Variants in CASP9 observed in about 807,000 individuals in gnomAD.
CASP9 encodes caspase 9.
CASP9 carries 29 observed loss-of-function variants against 43.5 expected under a neutral mutation model. The observed-to-expected ratio is 0.67, with a 90% CI of 0.50 to 0.91. The LOEUF (loss-of-function observed/expected upper bound fraction) is 0.91, where lower values mean the gene tolerates loss of function less well. Ranked by LOEUF, CASP9 falls within the 40% of genes least tolerant of loss-of-function variation. The pLI, the probability that CASP9 is intolerant of heterozygous loss-of-function variation, is 0.00. For synonymous variants in CASP9, 206 were observed against 211.9 expected, an observed-to-expected ratio of 0.97 and a Z score of 0.24; for missense variants, 575 against 537.4, an observed-to-expected ratio of 1.07 and a Z score of -0.69.
chr1:15,508,651 T>G (rs576182764), intron 2 of CASP9, among the ~76,000 whole-genome samples: 1 of 152,078 alleles, frequency 6.6e-6, no homozygotes, highest in Admixed American at 6.6e-5. Flanking sequence ...TTGACCTCAG[T>G]TGATCCACCC....
chr1:15,493,944 TC>T lies in CASP9; in HGVS notation c.1105del (p.Asp369ThrfsTer25). 6.2e-7 allele frequency: 1 copy of T among 1,604,946 alleles called. No individual in the cohort carries two copies. The part of the protein sequence containing the change: ...SGSWYVETLD[D>X]IFEQWAHSED... ...AGAGTGAGCCCACTGCTCAAAGATGTCGTCCAGGGTCTCAACGTACCAGGAG... is the reference window on the plus strand; with the variant it reads ...AGAGTGAGCCCACTGCTCAAAGATGTGTCCAGGGTCTCAACGTACCAGGAG... On this transcript the variant is annotated frameshift_variant, in exon 8 of 9. Transcript: ENST00000333868. LOFTEE classifies it high-confidence loss of function.
rs751390513 is a variant in CASP9 at position 15,493,941 on chromosome 1, A to G, written c.1109T>C (p.Ile370Thr). The change falls in exon 8 of 9, where the codon ATC becomes ACC. Residue 370 changes from isoleucine (I) to threonine (T), a missense_variant. By Grantham distance (89) the Ile-to-Thr change is moderately conservative. Transcript: ENST00000333868. ...TTCAGAGTGAGCCCACTGCTCAAAG[A>G]TGTCGTCCAGGGTCTCAACGTACCA... ...GSWYVETLDDIFEQWAHSEDL... is the reference protein window; with the variant it reads ...GSWYVETLDDTFEQWAHSEDL... 3.7e-6 allele frequency: 6 copies of G among 1,605,098 alleles called. No individual in the cohort carries two copies. The highest frequency in any genetic ancestry group is 4.3e-6 in the Non-Finnish European group (5 of 1,175,474).
intron 6 of CASP9, among the ~76,000 whole-genome samples, chr1:15,496,281 G>A (rs572188532): frequency 6.6e-6 from 1 of 152,196 alleles, no homozygotes; most frequent in East Asian, 1.9e-4. Context: ...CATAGTAAAA[G>A]CCATATATGA....
At position 15,495,342 on chromosome 1, in the gene CASP9, C is replaced by G. The variant is rs200705927; in HGVS notation, c.979G>C (p.Asp327His). Reference sequence around the variant, plus strand: ...AAACTAGATATGGCGTCCAGCTGGTCGAAGGTCCTCAAACCTTCCTGGAAC... The same window carrying G: ...AAACTAGATATGGCGTCCAGCTGGTGGAAGGTCCTCAAACCTTCCTGGAAC... ...TPFQEGLRTF[D>H]QLDAISSLPT... is the part of the protein sequence containing the mutation. Residue 327 changes from aspartate (D) to histidine (H), a missense_variant, in exon 7 of 9, where the codon GAC becomes CAC. Physicochemically the swap from Asp to His is moderately conservative, Grantham distance 81. Transcript: ENST00000333868. The G allele has an allele frequency of 1.2e-5, 20 of 1,609,780 alleles. No homozygotes were observed. The highest frequency in any genetic ancestry group is 5.4e-5 in the African/African-American group (4 of 74,162).
intron 7 of CASP9, among the ~76,000 whole-genome samples, chr1:15,494,202 A>G (rs1158213422): frequency 1.3e-5 from 2 of 152,306 alleles, no homozygotes; most frequent in African/African-American, 2.4e-5. Context: ...GATTCCGGCT[A>G]TAATTCCTGT....
intron 2 of CASP9, among the ~76,000 whole-genome samples, chr1:15,510,794 A>T (rs1709724231): frequency 6.6e-6 from 1 of 151,964 alleles, no homozygotes. Context: ...TGAAATGGCC[A>T]CTCCCATGGG....
At chr1:15,496,307 CATT>C (rs1314247848) in intron 6 of CASP9, among the ~76,000 whole-genome samples, 2 of 152,162 alleles carry the variant, frequency 1.3e-5, no homozygotes, top group Admixed American at 1.3e-4. Context: ...CCACAGCAAA[CATT>C]ATACTCAATG....
rs766793040 is a variant in CASP9, at chr1:15,504,720, T to G, written c.759A>C (p.Thr253=). The G allele has an allele frequency of 6.2e-7, 1 of 1,614,208 alleles. No homozygotes were observed. The highest frequency in any genetic ancestry group is 1.1e-5 in the South Asian group (1 of 91,082). The stretch of plus-strand genomic sequence containing the variant: ...TCTCGACCGACACAGGGCATCCATC[T>G]GTGCCGTAGACAGCCCCTGGGAACT... ...HLQFPGAVYG[T]DGCPVSVEKI... The change falls in exon 6 of 9, where the codon ACA becomes ACC. Residue 253 remains threonine (T), a synonymous_variant. Coordinates refer to ENST00000333868, the MANE Select transcript of CASP9 (RefSeq NM_001229.5).
intron 6 of CASP9, among the ~76,000 whole-genome samples, chr1:15,501,863 C>G (rs1479974443): frequency 6.6e-6 from 1 of 152,072 alleles, no homozygotes; most frequent in Admixed American, 6.5e-5. Context: ...CCTCGACCTC[C>G]AGGGCTCAAG....
In CASP9 at chr1:15,518,190, G is replaced by A; in HGVS notation, c.338C>T (p.Pro113Leu). ...LENLTPVVLRPEIRKPEVLRP... is the reference protein window; with the variant it reads ...LENLTPVVLRLEIRKPEVLRP... Reference sequence around the variant, plus strand: ...GAGAACCTCTGGTTTGCGAATCTCTGGTCTGAGCACCACTGGGGTAAGGTT... The same window carrying A: ...GAGAACCTCTGGTTTGCGAATCTCTAGTCTGAGCACCACTGGGGTAAGGTT... The change falls in exon 2 of 9, where the codon CCA becomes CTA. Residue 113 changes from proline (P) to leucine (L), a missense_variant. By Grantham distance (98) the Pro-to-Leu change is moderately conservative (BLOSUM62 -3). Transcript: ENST00000333868. 6 of 1,614,180 alleles carry A rather than the reference G, an allele frequency of 3.7e-6. No individual in the cohort carries two copies. The highest frequency in any genetic ancestry group is 5.1e-6 in the Non-Finnish European group (6 of 1,180,050).
chr1:15,518,207 G>A lies in CASP9; in HGVS notation c.321C>T (p.Thr107=). ...GAATCTCTGGTCTGAGCACCACTGG[G>A]GTAAGGTTTTCTAGGGTTGGCTTCG... The part of the protein sequence containing the change: ...KLSKPTLENL[T]PVVLRPEIRK... Residue 107 remains threonine (T), a synonymous_variant, in exon 2 of 9, where the codon ACC becomes ACT. Transcript: ENST00000333868. 1.2e-6 allele frequency: 2 copies of A among 1,614,146 alleles called. No homozygotes were observed. Among genetic ancestry groups the A allele is most frequent in the Non-Finnish European group, 8.5e-7 (1 of 1,180,044 alleles).
At chr1:15,500,439 T>G (rs1450886319) in intron 6 of CASP9, among the ~76,000 whole-genome samples, 1 of 152,136 alleles carries the variant, frequency 6.6e-6, no homozygotes, top group Admixed American at 6.5e-5. Flanking sequence ...AACCCCATAA[T>G]AGTAACACCA....
intron 2 of CASP9, among the ~76,000 whole-genome samples, chr1:15,509,713 T>C (rs1475084599): frequency 3.3e-5 from 5 of 151,482 alleles, no homozygotes; most frequent in East Asian, 3.9e-4. Context: ...TGTGGTCTCA[T>C]TGAGAAGAAA....
chr1:15,499,376 T>C (rs559974038), intron 6 of CASP9, among the ~76,000 whole-genome samples: 1 of 152,358 alleles, frequency 6.6e-6, no homozygotes, highest in Non-Finnish European at 1.5e-5. Context: ...ATCCAAACTT[T>C]TACTTTTCTT....
At chr1:15,495,970 G>A (rs2103328004) in intron 6 of CASP9, among the ~76,000 whole-genome samples, 1 of 152,206 alleles carries the variant, frequency 6.6e-6, no homozygotes, top group Admixed American at 6.5e-5. Flanking sequence ...CCCCTACCCT[G>A]CTCTTACCTG....
At position 15,507,004 on chromosome 1, in the gene CASP9, G is replaced by A. The variant is rs2308948; in HGVS notation, c.525C>T (p.Ser175=). The A allele has an allele frequency of 1.0e-4, 169 of 1,614,174 alleles. 2 individuals are homozygous for A. The African/African-American group carries it at 2.0e-3, about 19-fold the overall frequency. Residue 175 remains serine (S), a synonymous_variant, in exon 4 of 9, where the codon TCC becomes TCT. Transcript: ENST00000333868. The part of the protein sequence containing the change: ...IINNVNFCRE[S]GLRTRTGSNI... ...TGGAGCCAGTGCGGGTGCGGAGCCC[G>A]GACTCACGGCAGAAGTTCACATTGT...
At chr1:15,524,348 G>A, upstream of CASP9, 6 of 1,396,408 alleles carry the variant, frequency 4.3e-6, no homozygotes, top group Non-Finnish European at 4.6e-6. Flanking sequence ...GCCTCCGGAC[G>A]CATCTCCAAG....
chr1:15,494,183 C>A (rs1443611001), intron 7 of CASP9, among the ~76,000 whole-genome samples, 182 bp from the exon 8 acceptor site: 1 of 152,146 alleles, frequency 6.6e-6, no homozygotes, highest in Non-Finnish European at 1.5e-5. Context: ...ACCCTCATGA[C>A]CATCCCCTGA....
rs963514329 is a variant in CASP9, at chr1:15,507,970, C to T, written c.419-63G>A. ...GTTACAGCAGAGGAGGGGCAAGGGG[C>T]TCTGTGAGGACAGCCCCCCAAGAAC... On this transcript the variant is annotated intron_variant, in intron 2 of 8. Coordinates refer to ENST00000333868, the MANE Select transcript of CASP9 (RefSeq NM_001229.5). 6 of 1,553,748 alleles carry T rather than the reference C, an allele frequency of 3.9e-6. No individual in the cohort carries two copies. In the African/African-American group the frequency reaches 4.1e-5, roughly 11 times the overall value.
Sources: allele counts gnomAD v4.1 joint callset (sites outside exome capture counted in the v4.1 genomes callset), GRCh38; gene constraint gnomAD v4.1.1; transcripts MANE v1.5; gene names NCBI Gene and HGNC (gene_info 2026-07-23, HGNC 2026-07-21).